ADAMTS13: variants seen among roughly 807,000 people sequenced by gnomAD.
The protein encoded by ADAMTS13 is ADAM metallopeptidase with thrombospondin type 1 motif 13.
A neutral mutation model predicts 155.1 loss-of-function variants in ADAMTS13; 110 were observed. The ratio of observed to expected loss-of-function variants is 0.71; its 90% CI spans 0.61 to 0.83. The LOEUF is 0.83. Ranked by LOEUF, ADAMTS13 falls within the 40% of genes least tolerant of loss-of-function variation. The probability of loss-of-function intolerance (pLI) is 0.00; values close to 1 mark genes in which losing one functional copy is unlikely to be tolerated. For synonymous variants in ADAMTS13, 758 were observed against 756.4 expected, an observed-to-expected ratio of 1.00 and a Z score of -0.03; for missense variants, 1,707 against 1,891.7, an observed-to-expected ratio of 0.90 and a Z score of 1.81.
chr9:133,432,582 T>C lies in ADAMTS13; in HGVS notation c.988-6T>C. 1 of 1,550,626 alleles carries C rather than the reference T, an allele frequency of 6.4e-7. No individual in the cohort carries two copies. On this transcript the variant is annotated splice_polypyrimidine_tract_variant and splice_region_variant and intron_variant, in intron 8 of 28. Transcript: ENST00000355699. ...GAGCTCGCCACCCACCTGTCCACCC[T>C]CCTAGGATATGTGCCAGGCCCTCTC...
Position 133,443,501 on chromosome 9 carries a change from C to T in ADAMTS13, c.2360C>T (p.Ala787Val), listed in dbSNP as rs1471750536. Residue 787 changes from alanine (A) to valine (V), a missense_variant, in exon 19 of 29, where the codon GCA becomes GTA. Physicochemically the swap from Ala to Val is moderately conservative, Grantham distance 64. Coordinates refer to ENST00000355699, the MANE Select transcript of ADAMTS13 (RefSeq NM_139027.6). ...ACATTGCCCCCAGCCCGGTGCAGAG[C>T]AGGGGCCCAGCAGCCAGCTGTGGCG... ...LKTLPPARCR[A>V]GAQQPAVALE... 1.3e-6 allele frequency: 2 copies of T among 1,584,238 alleles called. No homozygotes were observed. Among genetic ancestry groups the T allele is most frequent in the East Asian group, 2.3e-5 (1 of 43,594 alleles).
Position 133,426,183 on chromosome 9 carries a change from G to A in ADAMTS13, c.540-16G>A, listed in dbSNP as rs781889126. The A allele has an allele frequency of 3.1e-6, 5 of 1,613,922 alleles. No homozygotes were observed. The African/African-American group carries it at 5.3e-5, about 17-fold the overall frequency. On this transcript the variant is annotated splice_polypyrimidine_tract_variant and intron_variant, in intron 5 of 28. Transcript: ENST00000355699. ...GTGCCTTGGCACCACCCAAGTGACT[G>A]TTTTCTCTCACCGAGGTTTGACCTG... is the stretch of plus-strand genomic sequence containing the variant.
intron 21 of ADAMTS13, among the ~76,000 whole-genome samples, chr9:133,447,099 C>T (rs1336009656): frequency 6.6e-6 from 1 of 152,188 alleles, no homozygotes; most frequent in Non-Finnish European, 1.5e-5. Context: ...AGGTGATCTG[C>T]CTGCCTTGGC....
In ADAMTS13 at chr9:133,439,607, G is replaced by C. The variant is rs2073934; in HGVS notation, c.1786+161G>C. ...ACTAGGAAGACTCCCAGAGCTCACT[G>C]AGAGCTGTGGCACATGGCTGCGGCT... On this transcript the variant is annotated intron_variant, in intron 15 of 28. Transcript: ENST00000355699. 0.26 allele frequency among the ~76,000 whole-genome samples: 39,816 copies of C among 152,196 alleles called. 6,530 individuals carry two copies. Among genetic ancestry groups the C allele is most frequent in the South Asian group, 0.41 (1,956 of 4,812 alleles).
intron 21 of ADAMTS13, among the ~76,000 whole-genome samples, chr9:133,448,372 T>C (rs1842210432): frequency 6.6e-6 from 1 of 152,240 alleles, no homozygotes; most frequent in Admixed American, 6.5e-5. Flanking sequence ...TCTTCCCTTT[T>C]AAAAATCTTT....
upstream of ADAMTS13, chr9:133,417,825 G>A (rs587741408): frequency 1.2e-6 from 2 of 1,602,342 alleles, no homozygotes; most frequent in East Asian, 2.2e-5. Flanking sequence ...CTTGGAGGCG[G>A]GGACCTTCGC....
chr9:133,455,740 C>G (rs1188157312), intron 25 of ADAMTS13: 1 of 1,228,322 alleles, frequency 8.1e-7, no homozygotes, highest in Non-Finnish European at 1.2e-6. Flanking sequence ...GGCTGGCCCT[C>G]TTTCTCCCTG....
In ADAMTS13 at chr9:133,425,571, C is replaced by A. The variant is rs587701622; in HGVS notation, c.373C>A (p.Arg125=). 2.4e-5 allele frequency: 39 copies of A among 1,613,730 alleles called. No individual in the cohort carries two copies. Among genetic ancestry groups the A allele is most frequent in the South Asian group, 2.1e-4 (19 of 91,048 alleles). The part of the protein sequence containing the change: ...LRDPSLGAQF[R]VHLVKMVILT... ...GGACCCGTCCCTGGGGGCTCAGTTTCGGGTGCACCTGGTGAAGATGGTCAT... is the reference window on the plus strand; with the variant it reads ...GGACCCGTCCCTGGGGGCTCAGTTTAGGGTGCACCTGGTGAAGATGGTCAT... The change falls in exon 4 of 29, where the codon CGG becomes AGG. Residue 125 remains arginine, a synonymous_variant. Coordinates refer to ENST00000355699, the MANE Select transcript of ADAMTS13 (RefSeq NM_139027.6). The surrounding 1 kb of genome is among the most constrained non-coding windows in gnomAD (Gnocchi z 4.6).
At chr9:133,416,684 G>T (rs1839631337) in intron 1 of ADAMTS13, among the ~76,000 whole-genome samples, 1 of 152,216 alleles carries the variant, frequency 6.6e-6, no homozygotes, top group African/African-American at 2.4e-5. Context: ...GGAGACAGCA[G>T]GTACAACACA....
chr9:133,439,453 T>C lies in ADAMTS13; in HGVS notation c.1786+7T>C, dbSNP rs1554790072. On this transcript the variant is annotated splice_region_variant and intron_variant, in intron 15 of 28. Coordinates refer to ENST00000355699, the MANE Select transcript of ADAMTS13 (RefSeq NM_139027.6). Reference sequence around the variant, plus strand: ...CCTCTCTTCACACACTTGGGTGAGTTGACTGGAGGACTCCCACCCAGTTAG... The same window carrying C: ...CCTCTCTTCACACACTTGGGTGAGTCGACTGGAGGACTCCCACCCAGTTAG... 13 of 1,611,406 alleles carry C rather than the reference T, an allele frequency of 8.1e-6. No homozygotes were observed. The highest frequency in any genetic ancestry group is 1.1e-5 in the South Asian group (1 of 91,028).
chr9:133,429,620 GC>G, intron 7 of ADAMTS13: 1 of 227,144 alleles, frequency 4.4e-6, no homozygotes, highest in Non-Finnish European at 9.2e-6. Flanking sequence ...TCCCCCACCC[GC>G]GTACATGTAT....
rs1350407829 is a variant in ADAMTS13 at position 133,448,610 on chromosome 9, C to T, written c.2743C>T (p.Leu915=). 4 of 1,610,192 alleles carry T rather than the reference C, an allele frequency of 2.5e-6. No homozygotes were observed. Among genetic ancestry groups the T allele is most frequent in the Non-Finnish European group, 3.4e-6 (4 of 1,179,942 alleles). Residue 915 remains leucine, a synonymous_variant, in exon 22 of 29, where the codon CTG becomes TTG. Transcript: ENST00000355699. ...CTTTGTCCACGCAGGTCTGATGGAG[C>T]TGCGTTTCCTGTGCATGGACTCTGC... ...SVSCGRGLME[L]RFLCMDSALR... is the part of the protein sequence containing the mutation.
chr9:133,449,516 C>T (rs964964615), intron 22 of ADAMTS13, among the ~76,000 whole-genome samples: 14 of 152,214 alleles, frequency 9.2e-5, no homozygotes, highest in Admixed American at 5.9e-4. Flanking sequence ...CTTGGGTGCC[C>T]GGACCCCTGC....
In ADAMTS13 at chr9:133,438,260, T is replaced by C. The variant is rs2130853966; in HGVS notation, c.1599T>C (p.Asp533=). ...CCTTTGCATAGACATTTGGCTGTGA[T>C]GGTAGGATGGACTCCCAGCAGGTAT... ...VSGSCRTFGC[D]GRMDSQQVWD... is the part of the protein sequence containing the mutation. Residue 533 remains aspartate, a synonymous_variant, in exon 14 of 29, where the codon GAT becomes GAC. Transcript: ENST00000355699. 1.2e-6 allele frequency: 2 copies of C among 1,614,112 alleles called. No individual in the cohort carries two copies. The highest frequency in any genetic ancestry group is 2.7e-5 in the African/African-American group (2 of 75,016).
intron 13 of ADAMTS13, 23 bp downstream of exon 13, chr9:133,437,920 G>T (rs374273047): frequency 1.2e-6 from 2 of 1,612,812 alleles, no homozygotes; most frequent in Non-Finnish European, 1.7e-6. Context: ...GGACATTGGC[G>T]ATGGCCCTGG....
chr9:133,449,732 G>T, intron 22 of ADAMTS13, 51 bp from the exon 23 acceptor site: 1 of 1,607,806 alleles, frequency 6.2e-7, no homozygotes. Flanking sequence ...GGCTCCCCTG[G>T]GTTCCCAGGC....
At chr9:133,430,197 G>C (rs1554786932) in intron 8 of ADAMTS13, 96 bp downstream of exon 8, 2 of 1,497,702 alleles carry the variant, frequency 1.3e-6, no homozygotes, top group Non-Finnish European at 1.8e-6. Flanking sequence ...AACCTGCTGG[G>C]TGCCGTGCTA....
intron 6 of ADAMTS13, among the ~76,000 whole-genome samples, chr9:133,427,486 G>C (rs1246798050): frequency 1.3e-5 from 2 of 152,212 alleles, no homozygotes; most frequent in African/African-American, 4.8e-5. Context: ...GAGCCTGGGA[G>C]GGTTGAGGCA....
intron 25 of ADAMTS13, 198 bp downstream of exon 25, chr9:133,455,633 A>G: frequency 6.3e-7 from 1 of 1,596,772 alleles, no homozygotes; most frequent in Non-Finnish European, 8.5e-7. Flanking sequence ...CCTGTCAGGC[A>G]GCTGCTGCAG....
Sources: gnomAD v4.1 joint callset for allele counts (sites outside exome capture counted in the v4.1 genomes callset) on GRCh38, gnomAD v4.1.1 for gene constraint, Gnocchi (gnomAD v3.1) non-coding constraint, MANE v1.5 for transcripts, NCBI Gene and HGNC (gene_info 2026-07-23, HGNC 2026-07-21) for gene names.